Variants in EYA2 observed in about 807,000 individuals in gnomAD.
EYA2 encodes the protein protein phosphatase EYA2.
In EYA2, 31 loss-of-function variants were observed where a neutral mutation model predicts 69.2. That is an observed-to-expected ratio of 0.45 (90% CI 0.34 to 0.60). The LOEUF (loss-of-function observed/expected upper bound fraction) is 0.60. Among genes scored for constraint, EYA2 ranks in the 20% least tolerant of loss-of-function variants. The pLI is 0.02. For synonymous variants in EYA2, 257 were observed against 279.4 expected (o/e 0.92, Z 0.80); for missense variants, 622 against 701.2 (o/e 0.89, Z 1.28).
At chr20:46,923,860 C>A (rs552298937) in intron 1 of EYA2, among the ~76,000 whole-genome samples, 1 of 152,180 alleles carries the variant, frequency 6.6e-6, no homozygotes, top group Non-Finnish European at 1.5e-5. Context: ...AACAGTATTT[C>A]TCAAAACATG....
At chr20:47,031,982 G>A (rs1003617351) in intron 5 of EYA2, among the ~76,000 whole-genome samples, 4 of 152,306 alleles carry the variant, frequency 2.6e-5, no homozygotes, top group African/African-American at 9.6e-5. Context: ...CCCAGCCCAG[G>A]CAGCCCAGCC....
At chr20:47,161,435 GAA>G (rs1300908997) in intron 10 of EYA2, 1 of 422,244 alleles carries the variant, frequency 2.4e-6, no homozygotes, top group Non-Finnish European at 4.5e-6. Flanking sequence ...AAGCCCCCAG[GAA>G]AAAGTCAATG....
At chr20:46,967,611 C>A (rs1313219392) in intron 1 of EYA2, among the ~76,000 whole-genome samples, 1 of 152,018 alleles carries the variant, frequency 6.6e-6, no homozygotes, top group East Asian at 1.9e-4. Flanking sequence ...GTGAGCAGAC[C>A]CCAAGGTGCC....
intron 11 of EYA2, among the ~76,000 whole-genome samples, chr20:47,170,240 A>G (rs78917034): frequency 0.018 from 2,807 of 152,206 alleles, 119 homozygotes; most frequent in East Asian, 0.17. Flanking sequence ...AACAATTGAT[A>G]CAGCCAATAC....
At chr20:46,929,375 G>A (rs560073682) in intron 1 of EYA2, among the ~76,000 whole-genome samples, 2 of 151,308 alleles carry the variant, frequency 1.3e-5, no homozygotes, top group African/African-American at 4.8e-5. Flanking sequence ...TAGTAACACG[G>A]GAAGATGGGA....
chr20:47,061,319 G>A (rs1377409655), intron 5 of EYA2, among the ~76,000 whole-genome samples: 6 of 152,132 alleles, frequency 3.9e-5, no homozygotes, highest in African/African-American at 1.2e-4. Context: ...TTGAGTCCAG[G>A]AGTTTGACAC....
chr20:47,170,949 C>CA (rs1339276846), intron 11 of EYA2, among the ~76,000 whole-genome samples: 1 of 152,200 alleles, frequency 6.6e-6, no homozygotes, highest in Non-Finnish European at 1.5e-5. Flanking sequence ...AAGCCCGGCA[C>CA]AATCGGAAGT....
chr20:47,124,859 A>G (rs1190972048), intron 9 of EYA2, among the ~76,000 whole-genome samples: 1 of 138,136 alleles, frequency 7.2e-6, no homozygotes, highest in East Asian at 2.1e-4. Flanking sequence ...CAGCTGAAAG[A>G]ACATTCTTCA....
rs187829018 is a variant in EYA2, at chr20:47,060,889, C to A, written c.416-11296C>A. Among the ~76,000 whole-genome samples, 20 of 131,300 alleles carry A rather than the reference C, an allele frequency of 1.5e-4. No individual in the cohort carries two copies. In the East Asian group the frequency reaches 4.4e-3, roughly 29 times the overall value. The allele number at this position is 131,300 out of a possible 152,430, so 86.1% of individuals were successfully genotyped here. On this transcript the variant is annotated intron_variant, in intron 5 of 15. Transcript: ENST00000327619. ...TTTTTTTTGGAAATGGGGTTTTGCT[C>A]TTGTTGCCCAGGCTGGAGTGCAATG...
chr20:47,049,964 T>A (rs2030245287), intron 5 of EYA2, among the ~76,000 whole-genome samples: 2 of 151,790 alleles, frequency 1.3e-5, no homozygotes, highest in Admixed American at 1.3e-4. Context: ...TGGGCGTGTC[T>A]CCTGTTTCCT....
chr20:46,922,483 T>G (rs900778537), intron 1 of EYA2, among the ~76,000 whole-genome samples: 5 of 152,224 alleles, frequency 3.3e-5, no homozygotes, highest in African/African-American at 1.2e-4. Context: ...AATTTTGAAA[T>G]GTAACAACAG....
intron 7 of EYA2, among the ~76,000 whole-genome samples, chr20:47,080,756 A>G (rs1458310386): frequency 2.6e-5 from 4 of 152,292 alleles, no homozygotes; most frequent in South Asian, 4.2e-4. Context: ...AGCAAGTCAC[A>G]TCTTACGTGG....
At chr20:47,134,752 C>T (rs949707675) in intron 9 of EYA2, among the ~76,000 whole-genome samples, 1 of 152,120 alleles carries the variant, frequency 6.6e-6, no homozygotes, top group Non-Finnish European at 1.5e-5. Context: ...TCAACTATGC[C>T]ATTGTACCAT....
intron 1 of EYA2, among the ~76,000 whole-genome samples, chr20:46,895,903 A>G (rs1983786386): frequency 6.6e-6 from 1 of 152,228 alleles, no homozygotes; most frequent in African/African-American, 2.4e-5. Context: ...GCTTCCCCGA[A>G]GCCGAGGCTG....
intron 10 of EYA2, among the ~76,000 whole-genome samples, chr20:47,157,966 C>T (rs984855152): frequency 1.3e-5 from 2 of 151,962 alleles, no homozygotes; most frequent in Middle Eastern, 3.2e-3. Context: ...GGAGTTACAG[C>T]GCATATGACA....
chr20:47,097,054 T>C, intron 8 of EYA2, 31 bp from the exon 9 acceptor site: 1 of 1,569,190 alleles, frequency 6.4e-7, no homozygotes, highest in Non-Finnish European at 8.7e-7. Context: ...GAGTCCATTT[T>C]TCTCCATTCT....
chr20:46,987,964 C>CTCTCTCTCTCTCTCTCTATATATATATA, intron 1 of EYA2, among the ~76,000 whole-genome samples: 1 of 11,276 alleles, frequency 8.9e-5, no homozygotes, highest in African/African-American at 2.8e-4. Context: ...CTCTCTCTCT[C>CTCTCTCTCTCTCTCTCTATATATATATA]TATATATATA....
intron 9 of EYA2, among the ~76,000 whole-genome samples, chr20:47,119,888 A>T (rs73309676): frequency 6.6e-6 from 1 of 151,714 alleles, no homozygotes; most frequent in Non-Finnish European, 1.5e-5. Context: ...GCAACATAGT[A>T]AGAGCTTGTC....
intron 1 of EYA2, among the ~76,000 whole-genome samples, chr20:46,938,549 T>C (rs1156912857): frequency 1.3e-5 from 2 of 152,074 alleles, no homozygotes; most frequent in African/African-American, 4.8e-5. Context: ...TGCATGTAGC[T>C]GTTGATTGGA....
Sources: gnomAD v4.1 joint callset for allele counts (sites outside exome capture counted in the v4.1 genomes callset) on GRCh38, gnomAD v4.1.1 for gene constraint, MANE v1.5 for transcripts, NCBI Gene and HGNC (gene_info 2026-07-23, HGNC 2026-07-21) for gene names.